FAM219A: variants seen among roughly 807,000 people sequenced by gnomAD.
The protein encoded by FAM219A is protein FAM219A.
FAM219A carries 7 observed loss-of-function variants against 23.4 expected under a neutral mutation model. The observed-to-expected ratio is 0.30, with a 90% CI of 0.17 to 0.56. FAM219A has a LOEUF of 0.56. Among genes scored for constraint, FAM219A ranks in the 20% least tolerant of loss-of-function variants. The pLI is 0.92. For missense variants in FAM219A, 166 were observed against 246.9 expected (o/e 0.67, Z 2.20); for synonymous variants, 93 against 99.0 (o/e 0.94, Z 0.36).
chr9:34,428,995 C>T (rs1822594570), intron 1 of FAM219A, among the ~76,000 whole-genome samples: 1 of 152,248 alleles, frequency 6.6e-6, no homozygotes, highest in African/African-American at 2.4e-5. Context: ...TCAACGGCCC[C>T]ATCTCCAGGA....
Position 34,402,755 on chromosome 9 carries a change from AC to A in FAM219A, c.212del (p.Gly71ValfsTer39). 6.2e-7 allele frequency: 1 copy of A among 1,614,068 alleles called. No homozygotes were observed. The highest frequency in any genetic ancestry group is 8.5e-7 in the Non-Finnish European group (1 of 1,179,982). On this transcript the variant is annotated frameshift_variant, in exon 3 of 6. Coordinates refer to ENST00000651358, the MANE Select transcript of FAM219A (RefSeq NM_001184940.2). LOFTEE classifies it high-confidence loss of function. Reference sequence around the variant, plus strand: ...TCTTGGGTTGCTGGTTGACAGGGCTACCCATGCTGCCATTCTTCAGGGAGCC... The same window carrying A: ...TCTTGGGTTGCTGGTTGACAGGGCTACCATGCTGCCATTCTTCAGGGAGCC... ...RKGSLKNGSM[G>X]SPVNQQPKKN...
At chr9:34,430,797 A>G (rs111237145) in intron 1 of FAM219A, among the ~76,000 whole-genome samples, 4 of 152,040 alleles carry the variant, frequency 2.6e-5, no homozygotes, top group African/African-American at 9.7e-5. Context: ...AGCAGTGATC[A>G]TGCCATTACA....
At chr9:34,425,472 C>G (rs990927928) in intron 1 of FAM219A, among the ~76,000 whole-genome samples, 1 of 152,154 alleles carries the variant, frequency 6.6e-6, no homozygotes. Context: ...AAGAACAAAA[C>G]TCTGTCTTAA....
At chr9:34,441,756 GTC>G (rs570246827) in intron 1 of FAM219A, among the ~76,000 whole-genome samples, 52 of 152,234 alleles carry the variant, frequency 3.4e-4, no homozygotes, top group African/African-American at 1.1e-3. Flanking sequence ...TTGAGACAGG[GTC>G]TCGCTCTGTT....
At chr9:34,416,755 AT>A (rs766767250) in intron 1 of FAM219A, among the ~76,000 whole-genome samples, 1 of 46,644 alleles carries the variant, frequency 2.1e-5, no homozygotes, top group Non-Finnish European at 5.5e-5. Context: ...AAAAAGTATG[AT>A]TTTTTTATTT....
intron 1 of FAM219A, among the ~76,000 whole-genome samples, chr9:34,455,426 C>T (rs993428921): frequency 5.3e-5 from 8 of 151,660 alleles, no homozygotes; most frequent in Admixed American, 1.3e-4. Context: ...GCCACTTTGC[C>T]CTCTTTTTTG....
At position 34,405,956 on chromosome 9, in the gene FAM219A, G is replaced by T; in HGVS notation, c.69C>A (p.Ala23=). ...AHSEMQPLDP[A]AASISDGDCD... is the part of the protein sequence containing the mutation. Reference sequence around the variant, plus strand: ...AGTCTCCGTCAGAGATGGAGGCGGCGGCTGGGTCCTGTGGGGAGAAAGCAG... The same window carrying T: ...AGTCTCCGTCAGAGATGGAGGCGGCTGCTGGGTCCTGTGGGGAGAAAGCAG... Residue 23 remains alanine (A), a synonymous_variant, in exon 2 of 6, where the codon GCC becomes GCA. Coordinates refer to ENST00000651358, the MANE Select transcript of FAM219A (RefSeq NM_001184940.2). 1.2e-6 allele frequency: 2 copies of T among 1,611,392 alleles called. No homozygotes were observed. Among genetic ancestry groups the T allele is most frequent in the Non-Finnish European group, 1.7e-6 (2 of 1,178,488 alleles).
At chr9:34,433,968 C>T (rs1015696506) in intron 1 of FAM219A, among the ~76,000 whole-genome samples, 6 of 151,884 alleles carry the variant, frequency 4.0e-5, no homozygotes, top group African/African-American at 1.2e-4. Flanking sequence ...TTTGGGAGGC[C>T]GAGGCGGGCG....
rs1259384158 is a variant in FAM219A, at chr9:34,399,988, C to T, written c.*976G>A. The T allele has an allele frequency of 6.6e-6, 1 of 152,596 alleles. No homozygotes were observed. Among genetic ancestry groups the T allele is most frequent in the Non-Finnish European group, 1.5e-5 (1 of 68,316 alleles). 9.5% of individuals were successfully genotyped at this position (152,596 alleles called of 1,614,324 possible). A position where few individuals can be genotyped will look rare whatever the true frequency, so the allele number is the denominator to read the frequency against. On this transcript the variant is annotated 3_prime_UTR_variant, in exon 6 of 6. Transcript: ENST00000651358. Reference sequence around the variant, plus strand: ...CCTGACAGCCTCAGAGATACACACACATTCTGCTAAGCACTCCCTACCACA... The same window carrying T: ...CCTGACAGCCTCAGAGATACACACATATTCTGCTAAGCACTCCCTACCACA...
intron 1 of FAM219A, among the ~76,000 whole-genome samples, chr9:34,422,041 C>G (rs1564006327): frequency 6.6e-6 from 1 of 152,198 alleles, no homozygotes; most frequent in African/African-American, 2.4e-5. Flanking sequence ...AACCTGGTTA[C>G]ATTCCTAGTG....
intron 1 of FAM219A, among the ~76,000 whole-genome samples, chr9:34,426,299 T>A (rs559080632): frequency 1.3e-5 from 2 of 152,216 alleles, no homozygotes; most frequent in Non-Finnish European, 2.9e-5. Flanking sequence ...AGGAGAGGAA[T>A]TTTCAGCTCC....
intron 5 of FAM219A, 62 bp downstream of exon 5, chr9:34,401,604 T>TC (rs888472878): frequency 6.4e-7 from 1 of 1,563,628 alleles, no homozygotes; most frequent in Non-Finnish European, 8.7e-7. Flanking sequence ...GCCCCAGCCC[T>TC]CCCCCGGGAT....
At chr9:34,427,233 G>A (rs187721918) in intron 1 of FAM219A, among the ~76,000 whole-genome samples, 53 of 152,010 alleles carry the variant, frequency 3.5e-4, no homozygotes, top group Admixed American at 2.8e-3. Context: ...GTGCAGTGGC[G>A]CAATCTCGGC....
At chr9:34,434,962 G>A (rs745955108) in intron 1 of FAM219A, among the ~76,000 whole-genome samples, 2 of 152,144 alleles carry the variant, frequency 1.3e-5, no homozygotes, top group African/African-American at 2.4e-5. Context: ...TGGGACTACA[G>A]GCATGTGCCA....
rs757627612 is a variant in FAM219A at position 34,430,636 on chromosome 9, C to CAAAA, written c.61-24676_61-24673dup. Among the ~76,000 whole-genome samples, 74 of 56,088 alleles carry CAAAA rather than the reference C, an allele frequency of 1.3e-3. 1 individual carries two copies. Among genetic ancestry groups the CAAAA allele is most frequent in the Non-Finnish European group, 1.7e-3 (50 of 29,740 alleles). 36.8% of individuals were successfully genotyped at this position (56,088 alleles called of 152,430 possible). A position where few individuals can be genotyped will look rare whatever the true frequency, so the allele number is the denominator to read the frequency against. ...TGGGTGACAGAGCAAGACTCCGTCTCAAAAAAAAAAAAAAAAAAAAAGACA... is the reference window on the plus strand; with the variant it reads ...TGGGTGACAGAGCAAGACTCCGTCTCAAAAAAAAAAAAAAAAAAAAAAAAAGACA... On this transcript the variant is annotated intron_variant, in intron 1 of 5. Transcript: ENST00000651358.
At chr9:34,423,626 A>C (rs1254450488) in intron 1 of FAM219A, among the ~76,000 whole-genome samples, 3 of 152,224 alleles carry the variant, frequency 2.0e-5, no homozygotes, top group Admixed American at 6.5e-5. Flanking sequence ...TTTTCAGCCC[A>C]TTGTCAGATT....
intron 1 of FAM219A, among the ~76,000 whole-genome samples, chr9:34,419,360 T>C (rs1822166276): frequency 6.6e-6 from 1 of 151,940 alleles, no homozygotes; most frequent in African/African-American, 2.4e-5. Context: ...TGGGGTTGGG[T>C]TTCTGGGGGC....
intron 1 of FAM219A, among the ~76,000 whole-genome samples, chr9:34,446,476 G>A (rs988560352): frequency 1.3e-5 from 2 of 152,218 alleles, no homozygotes; most frequent in Admixed American, 6.5e-5. Flanking sequence ...CATGTTTACT[G>A]CTAGAATATT....
chr9:34,403,623 T>C (rs947446449), intron 2 of FAM219A, among the ~76,000 whole-genome samples: 4 of 152,210 alleles, frequency 2.6e-5, no homozygotes, highest in Non-Finnish European at 2.9e-5. Flanking sequence ...GGTGACCCAG[T>C]CCACTGCCTG....
Sources: gnomAD v4.1 joint callset for allele counts (sites outside exome capture counted in the v4.1 genomes callset) on GRCh38, gnomAD v4.1.1 for gene constraint, MANE v1.5 for transcripts, NCBI Gene and HGNC (gene_info 2026-07-23, HGNC 2026-07-21) for gene names.